The following DEPDC1 variants were observed in gnomAD, a reference collection of about 807,000 sequenced individuals.
DEPDC1 encodes DEP domain-containing protein 1A.
Under a neutral mutation model 86.8 loss-of-function variants are expected in DEPDC1, and 66 were observed. The ratio of observed to expected loss-of-function variants is 0.76; its 90% CI spans 0.62 to 0.93. DEPDC1 has a LOEUF of 0.93. DEPDC1 is among the 40% of genes least tolerant of loss of function. DEPDC1 has a pLI of 0.00. For synonymous variants in DEPDC1, 255 were observed against 314.9 expected (o/e 0.81, Z 2.02); for missense variants, 792 against 935.7 (o/e 0.85, Z 2.00).
intron 6 of DEPDC1, among the ~76,000 whole-genome samples, chr1:68,484,870 C>T (rs1377732616): frequency 1.3e-5 from 2 of 149,534 alleles, no homozygotes; most frequent in Non-Finnish European, 3.0e-5. Flanking sequence ...GAAATGTTTG[C>T]TTCTGGTTCA....
rs755531273 is a variant in DEPDC1 at position 68,477,023 on chromosome 1, G to A, written c.2345C>T (p.Thr782Met). The A allele has an allele frequency of 1.7e-5, 27 of 1,606,690 alleles. No individual in the cohort carries two copies. Among genetic ancestry groups the A allele is most frequent in the East Asian group, 2.2e-5 (1 of 44,636 alleles). The change falls in exon 12 of 12, where the codon ACG becomes ATG. Residue 782 changes from threonine to methionine, a missense_variant. Coordinates refer to ENST00000456315, the MANE Select transcript of DEPDC1 (RefSeq NM_001114120.3). The stretch of plus-strand genomic sequence containing the variant: ...ACCAAAAAGTGCTGCTTCACTCTCC[G>A]TGGTTGGAAATCTTTTCTGATATAT... Reference protein sequence around the residue: ...PLIYQKRFPTTESEAALFGDK... With the variant: ...PLIYQKRFPTMESEAALFGDK...
intron 7 of DEPDC1, 40 bp from the exon 8 acceptor site, chr1:68,482,937 G>T: frequency 6.6e-7 from 1 of 1,523,508 alleles, no homozygotes; most frequent in South Asian, 1.3e-5. Flanking sequence ...GCAACTGTAT[G>T]ACAGTGGACA....
At chr1:68,492,557 A>C (rs1557622987) in intron 2 of DEPDC1, among the ~76,000 whole-genome samples, 1 of 152,024 alleles carries the variant, frequency 6.6e-6, no homozygotes, top group Non-Finnish European at 1.5e-5. Context: ...AAATTCAAAA[A>C]TTAGCTGGGC....
At chr1:68,489,689 A>G in intron 2 of DEPDC1, 81 bp from the exon 3 acceptor site, 2 of 1,059,372 alleles carry the variant, frequency 1.9e-6, no homozygotes, top group South Asian at 3.5e-5. Flanking sequence ...TAAAATTCAC[A>G]TAAAGAGCCT....
chr1:68,481,707 A>T (rs917817389), intron 8 of DEPDC1, 95 bp from the exon 9 acceptor site: 8 of 968,632 alleles, frequency 8.3e-6, no homozygotes, highest in Non-Finnish European at 1.2e-5. Context: ...GTAAAATAAT[A>T]TCTTAGTATT....
intron 8 of DEPDC1, 163 bp downstream of exon 8, chr1:68,481,883 C>A: frequency 1.4e-6 from 1 of 728,332 alleles, no homozygotes; most frequent in Non-Finnish European, 2.0e-6. Context: ...CTTAGGTAAA[C>A]AGAATAAATC....
At chr1:68,478,098 C>T (rs1308078142) in intron 10 of DEPDC1, 126 bp from the exon 11 acceptor site, 4 of 631,196 alleles carry the variant, frequency 6.3e-6, no homozygotes, top group Non-Finnish European at 9.7e-6. Flanking sequence ...ATTAAAAAAA[C>T]TATGTATTAT....
intron 4 of DEPDC1, 72 bp from the exon 5 acceptor site, chr1:68,488,576 A>T: frequency 1.6e-6 from 2 of 1,267,936 alleles, no homozygotes; most frequent in Non-Finnish European, 2.2e-6. Flanking sequence ...ACTAGTAAAC[A>T]AAGCCATCAG....
In DEPDC1 at chr1:68,479,267, A is replaced by G; in HGVS notation, c.1989T>C (p.Leu663=). ...CTAATCTTCCAGCAAGAAGCTCATC[A>G]AGATCCACTTCTTCAGCACAGCATA... ...CVLCCAEEVD[L]DELLAGRLVS... The change falls in exon 10 of 12, where the codon CTT becomes CTC. Residue 663 remains leucine, a synonymous_variant. Coordinates refer to ENST00000456315, the MANE Select transcript of DEPDC1 (RefSeq NM_001114120.3). 3.1e-6 allele frequency: 5 copies of G among 1,612,580 alleles called. No individual in the cohort carries two copies. The highest frequency in any genetic ancestry group is 2.5e-6 in the Non-Finnish European group (3 of 1,179,110).
rs1245488362 is a variant in DEPDC1 at position 68,494,506 on chromosome 1, G to C, written c.238C>G (p.Leu80Val). Residue 80 changes from leucine (L) to valine (V), a missense_variant, in exon 2 of 12, where the codon CTT becomes GTT. By Grantham distance (32) the Leu-to-Val change is conservative. Transcript: ENST00000456315. ...ATATCTTCAATTACATGATTCTTAA[G>C]AAATTTCCTCAACAGTTGGATAGTC... is the stretch of plus-strand genomic sequence containing the variant. The part of the protein sequence containing the change: ...QQTIQLLRKF[L>V]KNHVIEDIKG... 1.2e-6 allele frequency: 2 copies of C among 1,613,618 alleles called. No individual in the cohort carries two copies. Among genetic ancestry groups the C allele is most frequent in the Non-Finnish European group, 1.7e-6 (2 of 1,179,740 alleles).
rs999564447 is a variant in DEPDC1 at position 68,494,471 on chromosome 1, C to A, written c.273G>T (p.Arg91Ser). The A allele has an allele frequency of 6.2e-7, 1 of 1,613,588 alleles. No individual in the cohort carries two copies. Among genetic ancestry groups the A allele is most frequent in the African/African-American group, 1.3e-5 (1 of 74,914 alleles). ...TATCATCAACATTTTCTGATCCCCA[C>A]CTCCCTTTGATATCTTCAATTACAT... is the stretch of plus-strand genomic sequence containing the variant. ...KNHVIEDIKGRWGSENVDDNN... is the reference protein window; with the variant it reads ...KNHVIEDIKGSWGSENVDDNN... Residue 91 changes from arginine (R) to serine (S), a missense_variant, in exon 2 of 12, where the codon AGG becomes AGT. Transcript: ENST00000456315.
intron 3 of DEPDC1, 115 bp from the exon 4 acceptor site, chr1:68,489,149 G>T: frequency 1.4e-6 from 1 of 703,982 alleles, no homozygotes; most frequent in Non-Finnish European, 2.4e-6. Context: ...ATCTCCCAAA[G>T]AAATAATGTA....
At chr1:68,481,697 G>A (rs1646157188) in intron 8 of DEPDC1, 85 bp from the exon 9 acceptor site, 1 of 1,055,532 alleles carries the variant, frequency 9.5e-7, no homozygotes, top group Non-Finnish European at 1.3e-6. Context: ...TATAAAGAAG[G>A]TAAAATAATA....
chr1:68,493,985 C>A (rs536126915), intron 2 of DEPDC1, among the ~76,000 whole-genome samples: 12 of 152,290 alleles, frequency 7.9e-5, no homozygotes, highest in African/African-American at 2.6e-4. Context: ...CAGGCATGAG[C>A]CACTTTACCT....
intron 6 of DEPDC1, among the ~76,000 whole-genome samples, chr1:68,486,699 C>T (rs1411123895): frequency 6.6e-6 from 1 of 151,748 alleles, no homozygotes; most frequent in Non-Finnish European, 1.5e-5. Flanking sequence ...TATATGTGAA[C>T]TAAACCATAA....
chr1:68,487,110 T>A, intron 5 of DEPDC1, 126 bp from the exon 6 acceptor site: 1 of 696,802 alleles, frequency 1.4e-6, no homozygotes, highest in Non-Finnish European at 2.2e-6. Flanking sequence ...TACATTTGTA[T>A]ATGTGTGTAT....
rs761962437 is a variant in DEPDC1, at chr1:68,482,279, G to C, written c.1529C>G (p.Ser510Cys). The C allele has an allele frequency of 6.2e-7, 1 of 1,612,734 alleles. No homozygotes were observed. The highest frequency in any genetic ancestry group is 1.1e-5 in the South Asian group (1 of 91,030). ...GKCKSKQLCR[S>C]QSLLLRSSTR... ...ACTACTTCTTAAAAGCAAACTCTGA[G>C]ACCTACAAAGCTGTTTTGACTTGCA... Residue 510 changes from serine to cysteine, a missense_variant, in exon 8 of 12, where the codon TCT becomes TGT. Coordinates refer to ENST00000456315, the MANE Select transcript of DEPDC1 (RefSeq NM_001114120.3).
Position 68,477,780 on chromosome 1 carries a change from C to A in DEPDC1, c.2298+7G>T. 1.3e-6 allele frequency: 2 copies of A among 1,483,438 alleles called. No individual in the cohort carries two copies. Among genetic ancestry groups the A allele is most frequent in the African/African-American group, 1.4e-5 (1 of 71,048 alleles). 91.9% of individuals were successfully genotyped at this position (1,483,438 alleles called of 1,614,324 possible). On this transcript the variant is annotated splice_region_variant and intron_variant, in intron 11 of 11. Transcript: ENST00000456315. ...TTACATGATTGAGAACTTGCTCATT[C>A]TCTTACCTGTTTTAGTTTTTTTCTT...
At chr1:68,486,197 G>A (rs969923185) in intron 6 of DEPDC1, among the ~76,000 whole-genome samples, 2 of 152,030 alleles carry the variant, frequency 1.3e-5, no homozygotes, top group Non-Finnish European at 2.9e-5. Flanking sequence ...CCTGGTGGGA[G>A]GTGATTGAAT....
Sources: allele counts gnomAD v4.1 joint callset (sites outside exome capture counted in the v4.1 genomes callset), GRCh38; gene constraint gnomAD v4.1.1; transcripts MANE v1.5; gene names NCBI Gene and HGNC (gene_info 2026-07-23, HGNC 2026-07-21).